KIF16B: variants seen among roughly 807,000 people sequenced by gnomAD.
The protein encoded by KIF16B is kinesin family member 16B.
KIF16B carries 98 observed loss-of-function variants against 156.3 expected under a neutral mutation model. The ratio of observed to expected loss-of-function variants is 0.63; its 90% CI spans 0.53 to 0.74. The LOEUF (loss-of-function observed/expected upper bound fraction) is 0.74, where lower values mean the gene tolerates loss of function less well. KIF16B is among the 30% of genes least tolerant of loss of function. The pLI, the probability that KIF16B is intolerant of heterozygous loss-of-function variation, is 0.00. For synonymous variants in KIF16B, 564 were observed against 583.7 expected (o/e 0.97, Z 0.49); for missense variants, 1,421 against 1,606.5 (o/e 0.88, Z 1.97).
At position 16,379,723 on chromosome 20, in the gene KIF16B, A is replaced by G. The variant is rs763568674; in HGVS notation, c.2279T>C (p.Met760Thr). 1 of 1,614,068 alleles carries G rather than the reference A, an allele frequency of 6.2e-7. No homozygotes were observed. Among genetic ancestry groups the G allele is most frequent in the East Asian group, 2.2e-5 (1 of 44,870 alleles). ...CTGCTCTTCCAGATGGGCCACGAGC[A>G]TGACCTGCTCCTTCTCCTGCTCCTC... is the stretch of plus-strand genomic sequence containing the variant. ...RLEEQEKEQVMLVAHLEEQLR... is the reference protein window; with the variant it reads ...RLEEQEKEQVTLVAHLEEQLR... Residue 760 changes from methionine (M) to threonine (T), a missense_variant, in exon 19 of 26, where the codon ATG becomes ACG. By Grantham distance (81) the Met-to-Thr change is moderately conservative. Coordinates refer to ENST00000354981, the MANE Select transcript of KIF16B (RefSeq NM_024704.5).
intron 15 of KIF16B, among the ~76,000 whole-genome samples, chr20:16,408,162 T>C (rs897561679): frequency 6.6e-6 from 1 of 152,164 alleles, no homozygotes; most frequent in African/African-American, 2.4e-5. Context: ...TCAAATTCAA[T>C]ATGATTAAAA....
intron 10 of KIF16B, among the ~76,000 whole-genome samples, chr20:16,503,586 T>C (rs1446477174): frequency 2.0e-5 from 3 of 152,200 alleles, no homozygotes; most frequent in African/African-American, 7.2e-5. Flanking sequence ...CTTTTCACGA[T>C]ATACTTAAGA....
At chr20:16,349,210 G>A (rs1306137580) in intron 23 of KIF16B, among the ~76,000 whole-genome samples, 1 of 152,212 alleles carries the variant, frequency 6.6e-6, no homozygotes, top group Non-Finnish European at 1.5e-5. Context: ...ACAGAGAGGG[G>A]ACAGATGAAC....
At chr20:16,511,357 TGAAAG>T in intron 6 of KIF16B, 56 bp downstream of exon 6, 1 of 925,598 alleles carries the variant, frequency 1.1e-6, no homozygotes, top group African/African-American at 1.7e-5. Context: ...ATTTTTTCAT[TGAAAG>T]TGTTATTTTT....
intron 22 of KIF16B, among the ~76,000 whole-genome samples, 174 bp from the exon 23 acceptor site, chr20:16,356,626 C>T (rs1290256660): frequency 6.6e-6 from 1 of 152,204 alleles, no homozygotes; most frequent in Non-Finnish European, 1.5e-5. Context: ...AGCTAAGCCT[C>T]TCTCATAACA....
At chr20:16,550,077 A>G (rs2070581182) in intron 1 of KIF16B, among the ~76,000 whole-genome samples, 1 of 111,658 alleles carries the variant, frequency 9.0e-6, no homozygotes, top group African/African-American at 3.8e-5. Flanking sequence ...AAAATGGGAG[A>G]AAATTTTCGC....
At chr20:16,559,102 G>A (rs2070963712) in intron 1 of KIF16B, among the ~76,000 whole-genome samples, 1 of 151,854 alleles carries the variant, frequency 6.6e-6, no homozygotes, top group African/African-American at 2.4e-5. Flanking sequence ...TGCAACCCTT[G>A]TACTATATAT....
intron 25 of KIF16B, 88 bp from the exon 26 acceptor site, chr20:16,273,499 C>G: frequency 9.6e-7 from 1 of 1,043,136 alleles, no homozygotes; most frequent in Middle Eastern, 2.2e-4. Context: ...GAGACCAGTC[C>G]AGGCAACATG....
intron 19 of KIF16B, among the ~76,000 whole-genome samples, chr20:16,377,450 A>G (rs1406444467): frequency 1.3e-5 from 2 of 151,548 alleles, no homozygotes; most frequent in Non-Finnish European, 2.9e-5. Context: ...CAGGCATGGT[A>G]GTATGCACCT....
chr20:16,277,132 T>C (rs1199390285), intron 25 of KIF16B, among the ~76,000 whole-genome samples: 1 of 152,200 alleles, frequency 6.6e-6, no homozygotes, highest in Non-Finnish European at 1.5e-5. Flanking sequence ...TATACTCTTT[T>C]GTGTCTGGCT....
intron 15 of KIF16B, 118 bp downstream of exon 15, chr20:16,426,986 C>T (rs2146417530): frequency 1.1e-6 from 1 of 871,298 alleles, no homozygotes; most frequent in Non-Finnish European, 1.7e-6. Flanking sequence ...CAAACAGTCT[C>T]ACCCTTTTTA....
At chr20:16,382,011 C>A in intron 17 of KIF16B, 1 of 973,274 alleles carries the variant, frequency 1.0e-6, no homozygotes, top group South Asian at 1.6e-5. Context: ...ATTGAAAAAG[C>A]AGAGTTAAAC....
chr20:16,368,374 G>A lies in KIF16B; in HGVS notation c.3498+2212C>T, dbSNP rs181309374. ...CTCGCTGCTGCCAACCCGAGCTTCCGGAGAATGAGATTCTGTTGACTGCAT... is the reference window on the plus strand; with the variant it reads ...CTCGCTGCTGCCAACCCGAGCTTCCAGAGAATGAGATTCTGTTGACTGCAT... On this transcript the variant is annotated intron_variant, in intron 22 of 25. Coordinates refer to ENST00000354981, the MANE Select transcript of KIF16B (RefSeq NM_024704.5). The A allele has an allele frequency of 5.2e-3, 5,166 of 989,432 alleles. 22 individuals are homozygous for A. The highest frequency in any genetic ancestry group is 5.8e-3 in the Non-Finnish European group (4,856 of 832,312). The allele number at this position is 989,432 out of a possible 1,614,324, so 61.3% of individuals were successfully genotyped here. A position where few individuals can be genotyped will look rare whatever the true frequency, so the allele number is the denominator to read the frequency against.
chr20:16,496,876 T>C (rs925906884), intron 11 of KIF16B, among the ~76,000 whole-genome samples: 1 of 152,232 alleles, frequency 6.6e-6, no homozygotes, highest in African/African-American at 2.4e-5. Flanking sequence ...CCAATTTTTA[T>C]CTTCCATAAT....
intron 3 of KIF16B, among the ~76,000 whole-genome samples, chr20:16,524,024 C>T (rs1241997671): frequency 6.6e-6 from 1 of 152,078 alleles, no homozygotes; most frequent in Non-Finnish European, 1.5e-5. Flanking sequence ...AAAATTAATT[C>T]AAGATGGATT....
chr20:16,454,826 C>T (rs1483692567), intron 12 of KIF16B, among the ~76,000 whole-genome samples: 1 of 152,060 alleles, frequency 6.6e-6, no homozygotes, highest in Admixed American at 6.6e-5. Context: ...AAATAAATAT[C>T]TTAGAAGCAA....
intron 12 of KIF16B, among the ~76,000 whole-genome samples, chr20:16,469,204 G>A (rs2067584237): frequency 7.2e-6 from 1 of 138,362 alleles, no homozygotes; most frequent in South Asian, 2.5e-4. Context: ...GTGAGCTTAT[G>A]ATGGTGCCAC....
intron 12 of KIF16B, among the ~76,000 whole-genome samples, chr20:16,459,704 T>G (rs1241390015): frequency 6.6e-6 from 1 of 152,242 alleles, no homozygotes; most frequent in Non-Finnish European, 1.5e-5. Flanking sequence ...TTGGGCCTGC[T>G]CCTCAGAGCT....
At chr20:16,326,654 T>TA (rs1488328945) in intron 24 of KIF16B, among the ~76,000 whole-genome samples, 1 of 151,650 alleles carries the variant, frequency 6.6e-6, no homozygotes, top group Non-Finnish European at 1.5e-5. Flanking sequence ...GGCCATAATT[T>TA]AAAAAATCAA....
Sources: gnomAD v4.1 joint callset for allele counts (sites outside exome capture counted in the v4.1 genomes callset) on GRCh38, gnomAD v4.1.1 for gene constraint, MANE v1.5 for transcripts, NCBI Gene and HGNC (gene_info 2026-07-23, HGNC 2026-07-21) for gene names.